KHDRBS2: variants seen among roughly 807,000 people sequenced by gnomAD.
KHDRBS2 encodes the protein KH domain-containing, RNA-binding, signal transduction-associated protein 2.
In KHDRBS2, 26 loss-of-function variants were observed where a neutral mutation model predicts 44.3. That is an observed-to-expected ratio of 0.59 (90% CI 0.43 to 0.81). The LOEUF (loss-of-function observed/expected upper bound fraction) is 0.81. Ranked by LOEUF, KHDRBS2 falls within the 40% of genes least tolerant of loss-of-function variation. The pLI, the probability that KHDRBS2 is intolerant of heterozygous loss-of-function variation, is 0.00. For synonymous variants in KHDRBS2, 194 were observed against 151.1 expected (o/e 1.28, Z -2.08); for missense variants, 476 against 433.1 (o/e 1.10, Z -0.88).
chr6:61,788,444 T>C (rs1413696696), intron 6 of KHDRBS2, among the ~76,000 whole-genome samples: 1 of 151,486 alleles, frequency 6.6e-6, no homozygotes, highest in Non-Finnish European at 1.5e-5. Context: ...TGCTTTATTT[T>C]ATCATGCAAA....
chr6:62,024,492 C>A (rs939828448), intron 3 of KHDRBS2, among the ~76,000 whole-genome samples: 1 of 151,224 alleles, frequency 6.6e-6, no homozygotes, highest in East Asian at 1.9e-4. Context: ...CATATCTCAC[C>A]CTATTTAAAG....
intron 2 of KHDRBS2, among the ~76,000 whole-genome samples, chr6:62,120,961 T>A (rs1220955981): frequency 1.3e-5 from 2 of 152,110 alleles, no homozygotes; most frequent in South Asian, 4.1e-4. Flanking sequence ...TTTTTGGGGA[T>A]TATTGTACAC....
intron 4 of KHDRBS2, among the ~76,000 whole-genome samples, chr6:61,925,729 A>C (rs1251363411): frequency 5.2e-4 from 78 of 148,736 alleles, no homozygotes; most frequent in African/African-American, 1.9e-3. Flanking sequence ...CTCTCTCAAA[A>C]AAAAAAAAAA....
At chr6:61,550,069 G>A in the KHDRBS2 span, among the ~76,000 whole-genome samples, 1 of 152,016 alleles carries the variant, frequency 6.6e-6, no homozygotes, top group African/African-American at 2.4e-5. Flanking sequence ...TTATTTTAGG[G>A]TCAGCGGTAC....
At chr6:61,996,478 G>A (rs562005025) in intron 3 of KHDRBS2, among the ~76,000 whole-genome samples, 3 of 152,236 alleles carry the variant, frequency 2.0e-5, no homozygotes, top group Admixed American at 2.0e-4. Context: ...TGATAATCAA[G>A]TTTGCTAAAT....
At chr6:61,898,236 T>C (rs1412868665) in intron 5 of KHDRBS2, among the ~76,000 whole-genome samples, 1 of 152,058 alleles carries the variant, frequency 6.6e-6, no homozygotes, top group Non-Finnish European at 1.5e-5. Context: ...AGTTCTCTTA[T>C]TAATAAGATT....
intron 4 of KHDRBS2, among the ~76,000 whole-genome samples, chr6:61,953,885 T>A (rs1358263136): frequency 6.6e-6 from 1 of 152,150 alleles, no homozygotes; most frequent in East Asian, 1.9e-4. Context: ...ATATCACAGT[T>A]AACTTTGCAG....
At chr6:61,698,259 C>G (rs1768144358) in intron 7 of KHDRBS2, among the ~76,000 whole-genome samples, 1 of 152,032 alleles carries the variant, frequency 6.6e-6, no homozygotes, top group African/African-American at 2.4e-5. Context: ...TTCATTTTTC[C>G]CTATGGTTAC....
rs967982193 is a variant in KHDRBS2, at chr6:62,286,192, C to T, written c.-244G>A. On this transcript the variant is annotated 5_prime_UTR_variant, in exon 1 of 9. In the 5' UTR this introduces an upstream ATG that the reference lacks. Transcript: ENST00000281156. The stretch of plus-strand genomic sequence containing the variant: ...CGCTCGCGCAGAGCCCCGGCTCACA[C>T]CAGCGGCCTTAACTGGAGAGGCGGG... 1 of 520,274 alleles carries T rather than the reference C, an allele frequency of 1.9e-6. No homozygotes were observed. The highest frequency in any genetic ancestry group is 4.0e-5 in the Admixed American group (1 of 25,256). 32.2% of individuals were successfully genotyped at this position (520,274 alleles called of 1,614,324 possible).
intron 7 of KHDRBS2, among the ~76,000 whole-genome samples, chr6:61,700,790 C>A (rs1582237937): frequency 6.6e-6 from 1 of 151,506 alleles, no homozygotes; most frequent in African/African-American, 2.4e-5. Flanking sequence ...GCAATGCAAA[C>A]AAAGACAATG....
chr6:61,684,222 T>TGTCA (rs1766591475), intron 8 of KHDRBS2, among the ~76,000 whole-genome samples: 1 of 151,916 alleles, frequency 6.6e-6, no homozygotes. Context: ...CCATAGAGTG[T>TGTCA]GTCATTGAAC....
the KHDRBS2 span, among the ~76,000 whole-genome samples, chr6:61,546,087 A>G: frequency 6.6e-6 from 1 of 152,072 alleles, no homozygotes; most frequent in Non-Finnish European, 1.5e-5. Flanking sequence ...CAAACACGTA[A>G]AGATATATGA....
At chr6:62,207,123 C>T (rs1448231819) in intron 1 of KHDRBS2, among the ~76,000 whole-genome samples, 2 of 151,954 alleles carry the variant, frequency 1.3e-5, no homozygotes, top group Non-Finnish European at 2.9e-5. Flanking sequence ...CTGTGAGTTG[C>T]ATTTTTCTTT....
the KHDRBS2 span, among the ~76,000 whole-genome samples, chr6:61,656,585 GCT>G: frequency 1.3e-5 from 2 of 151,860 alleles, no homozygotes; most frequent in Non-Finnish European, 2.9e-5. Context: ...TGGTAAACTG[GCT>G]CTCTGCAAAA....
At chr6:61,759,435 A>G (rs1353867490) in intron 6 of KHDRBS2, among the ~76,000 whole-genome samples, 3 of 152,206 alleles carry the variant, frequency 2.0e-5, no homozygotes, top group Non-Finnish European at 4.4e-5. Flanking sequence ...CAGTTTTAAT[A>G]GTAATTTAAA....
At chr6:61,561,274 C>T in the KHDRBS2 span, among the ~76,000 whole-genome samples, 1 of 152,146 alleles carries the variant, frequency 6.6e-6, no homozygotes, top group Non-Finnish European at 1.5e-5. Flanking sequence ...ATGCCACAAG[C>T]ACCCCTGTGG....
At chr6:61,743,716 G>T (rs1776465003) in intron 6 of KHDRBS2, among the ~76,000 whole-genome samples, 1 of 151,528 alleles carries the variant, frequency 6.6e-6, no homozygotes, top group African/African-American at 2.4e-5. Flanking sequence ...TTGCCATGTT[G>T]GTGTGCTGCA....
chr6:61,921,100 T>C (rs192548135), intron 4 of KHDRBS2, among the ~76,000 whole-genome samples: 1 of 152,074 alleles, frequency 6.6e-6, no homozygotes, highest in Non-Finnish European at 1.5e-5. Context: ...TTAGGAGAGA[T>C]GTATAAACAA....
chr6:62,235,401 A>G (rs1340307789), intron 1 of KHDRBS2, among the ~76,000 whole-genome samples: 1 of 151,928 alleles, frequency 6.6e-6, no homozygotes, highest in Non-Finnish European at 1.5e-5. Context: ...TTCTGTATTT[A>G]TTTTAGCAAA....
Sources: allele counts gnomAD v4.1 joint callset (sites outside exome capture counted in the v4.1 genomes callset), GRCh38; gene constraint gnomAD v4.1.1; transcripts MANE v1.5; gene names NCBI Gene and HGNC (gene_info 2026-07-23, HGNC 2026-07-21).